Variants in ANKRD12 observed in about 807,000 individuals in gnomAD.
ANKRD12 encodes ankyrin repeat domain 12.
In ANKRD12, 85 loss-of-function variants were observed where a neutral mutation model predicts 183.4. The observed-to-expected ratio is 0.46, with a 90% CI of 0.39 to 0.56. The LOEUF (loss-of-function observed/expected upper bound fraction) is 0.56, where lower values mean the gene tolerates loss of function less well. ANKRD12 is among the 20% of genes least tolerant of loss of function. The probability of loss-of-function intolerance (pLI) is 0.00; values close to 1 mark genes in which losing one functional copy is unlikely to be tolerated. For synonymous variants in ANKRD12, 914 were observed against 800.2 expected (o/e 1.14, Z -2.40); for missense variants, 2,405 against 2,357.1 (o/e 1.02, Z -0.42).
chr18:9,241,671 A>G (rs1169826392), intron 8 of ANKRD12, among the ~76,000 whole-genome samples: 1 of 152,188 alleles, frequency 6.6e-6, no homozygotes, highest in Non-Finnish European at 1.5e-5. Context: ...TTCTTTAATG[A>G]ACACTTCAAG....
chr18:9,162,109 G>C (rs1287106751), intron 1 of ANKRD12, among the ~76,000 whole-genome samples: 2 of 151,966 alleles, frequency 1.3e-5, no homozygotes, highest in African/African-American at 4.8e-5. Flanking sequence ...CATATGCCGT[G>C]GTGGTTTGCT....
In ANKRD12 at chr18:9,182,416, A is replaced by G; in HGVS notation, c.-17A>G. On this transcript the variant is annotated 5_prime_UTR_variant, in exon 2 of 13. Coordinates refer to ENST00000262126, the MANE Select transcript of ANKRD12 (RefSeq NM_015208.5). ...GAGAAGACTGATAAAAGAAGAAGCT[A>G]GCTGAACAGCTGTAAAATGCCCAAA... 6.4e-7 allele frequency: 1 copy of G among 1,574,334 alleles called. No homozygotes were observed. Among genetic ancestry groups the G allele is most frequent in the Non-Finnish European group, 8.7e-7 (1 of 1,149,706 alleles).
At chr18:9,220,024 A>T (rs2036331139) in intron 7 of ANKRD12, among the ~76,000 whole-genome samples, 1 of 152,242 alleles carries the variant, frequency 6.6e-6, no homozygotes, top group African/African-American at 2.4e-5. Context: ...GATAAAAATT[A>T]AACAGTTAAT....
chr18:9,194,152 C>T (rs971088655), intron 2 of ANKRD12, among the ~76,000 whole-genome samples: 4 of 151,948 alleles, frequency 2.6e-5, no homozygotes, highest in African/African-American at 4.8e-5. Context: ...TCAAACTTTA[C>T]TATGCATCAA....
intron 9 of ANKRD12, among the ~76,000 whole-genome samples, chr18:9,262,362 AG>A (rs2145285620): frequency 6.6e-6 from 1 of 152,332 alleles, no homozygotes; most frequent in African/African-American, 2.4e-5. Flanking sequence ...AGCAAGAATA[AG>A]GGGGAAAATA....
chr18:9,171,686 C>T (rs1365386327), intron 1 of ANKRD12, among the ~76,000 whole-genome samples: 1 of 152,074 alleles, frequency 6.6e-6, no homozygotes, highest in East Asian at 1.9e-4. Flanking sequence ...GCTTATTAAG[C>T]TTAGTTTGGC....
intron 8 of ANKRD12, among the ~76,000 whole-genome samples, chr18:9,244,830 A>G (rs115596992): frequency 0.01 from 1,574 of 152,344 alleles, 20 homozygotes; most frequent in African/African-American, 0.036. Flanking sequence ...CTAAGGTTTC[A>G]AAGTTCTCTT....
Position 9,254,911 on chromosome 18 carries a change from T to C in ANKRD12, c.1644T>C (p.Cys548=), listed in dbSNP as rs1437323437. The C allele has an allele frequency of 1.3e-5, 20 of 1,567,124 alleles. No homozygotes were observed. The highest frequency in any genetic ancestry group is 1.7e-5 in the Non-Finnish European group (20 of 1,160,568). ...CTGGTAAATCTCCCAAACATTCTTG[T>C]GGATTAAGTGAAAAACAGTCAACAC... The part of the protein sequence containing the change: ...ISTGKSPKHS[C]GLSEKQSTPL... Residue 548 remains cysteine, a synonymous_variant, in exon 9 of 13, where the codon TGT becomes TGC. Transcript: ENST00000262126.
intron 2 of ANKRD12, among the ~76,000 whole-genome samples, chr18:9,186,708 A>ATCAT (rs1567892490): frequency 6.7e-6 from 1 of 148,342 alleles, no homozygotes; most frequent in Non-Finnish European, 1.5e-5. Context: ...AGGCATGACC[A>ATCAT]TCATTCATGT....
At chr18:9,139,077 T>C (rs2078228206) in intron 1 of ANKRD12, among the ~76,000 whole-genome samples, 2 of 152,196 alleles carry the variant, frequency 1.3e-5, no homozygotes, top group African/African-American at 4.8e-5. Context: ...ATCGGAATAG[T>C]TTTATGAACT....
intron 1 of ANKRD12, among the ~76,000 whole-genome samples, chr18:9,150,532 A>G (rs2078650788): frequency 6.6e-6 from 1 of 152,172 alleles, no homozygotes; most frequent in Non-Finnish European, 1.5e-5. Context: ...TGTTTTAAGG[A>G]CATTGTTGAG....
At chr18:9,158,972 G>A (rs1026792167) in intron 1 of ANKRD12, among the ~76,000 whole-genome samples, 6 of 152,116 alleles carry the variant, frequency 3.9e-5, no homozygotes. Context: ...GGCATTGTCT[G>A]TTGGGACCCC....
chr18:9,203,960 C>T (rs1042964237), intron 3 of ANKRD12, among the ~76,000 whole-genome samples: 2 of 152,186 alleles, frequency 1.3e-5, no homozygotes, highest in African/African-American at 4.8e-5. Context: ...ACTTTCTTTC[C>T]AGACGGTCTT....
At chr18:9,199,873 A>T (rs1355104769) in intron 3 of ANKRD12, among the ~76,000 whole-genome samples, 2 of 152,184 alleles carry the variant, frequency 1.3e-5, no homozygotes, top group Non-Finnish European at 2.9e-5. Context: ...GCTGGGAATG[A>T]TGCTTGCCAG....
At chr18:9,274,749 TGG>T (rs566054969) in intron 10 of ANKRD12, among the ~76,000 whole-genome samples, 129 of 152,352 alleles carry the variant, frequency 8.5e-4, no homozygotes, top group African/African-American at 3.0e-3. Flanking sequence ...TTTGGAACAC[TGG>T]GAGTTCTCAA....
At chr18:9,197,920 G>C (rs2034939123) in intron 3 of ANKRD12, among the ~76,000 whole-genome samples, 1 of 152,142 alleles carries the variant, frequency 6.6e-6, no homozygotes, top group Non-Finnish European at 1.5e-5. Context: ...ATAAATTTTA[G>C]TAATAGATGA....
chr18:9,154,358 A>G (rs961558175), intron 1 of ANKRD12, among the ~76,000 whole-genome samples: 1 of 152,098 alleles, frequency 6.6e-6, no homozygotes, highest in African/African-American at 2.4e-5. Context: ...ACTGCAGTGC[A>G]CCATGATCAT....
At chr18:9,145,697 G>A (rs796163390) in intron 1 of ANKRD12, among the ~76,000 whole-genome samples, 69 of 152,322 alleles carry the variant, frequency 4.5e-4, no homozygotes, top group African/African-American at 1.6e-3. Context: ...AAAGTGGGTA[G>A]CAGTTGAGAA....
At chr18:9,219,226 A>G (rs2036283053) in intron 7 of ANKRD12, among the ~76,000 whole-genome samples, 1 of 152,210 alleles carries the variant, frequency 6.6e-6, no homozygotes, top group African/African-American at 2.4e-5. Flanking sequence ...TGGGGATAGA[A>G]AGCTTTCAGC....
Sources: gnomAD v4.1 joint callset for allele counts (sites outside exome capture counted in the v4.1 genomes callset) on GRCh38, gnomAD v4.1.1 for gene constraint, MANE v1.5 for transcripts, NCBI Gene and HGNC (gene_info 2026-07-23, HGNC 2026-07-21) for gene names.